Variants in IGF1R observed in about 807,000 individuals in gnomAD.
The protein encoded by IGF1R is insulin-like growth factor 1 receptor.
In IGF1R, 44 loss-of-function variants were observed where a neutral mutation model predicts 144.6. The ratio of observed to expected loss-of-function variants is 0.30; its 90% CI spans 0.24 to 0.39. IGF1R has a LOEUF of 0.39. IGF1R is among the 10% of genes least tolerant of loss of function. IGF1R has a pLI of 1.00. For missense variants in IGF1R, 1,355 were observed against 1,833.7 expected (o/e 0.74, Z 4.77); for synonymous variants, 795 against 722.8 (o/e 1.10, Z -1.60).
intron 17 of IGF1R, among the ~76,000 whole-genome samples, chr15:98,937,985 G>A (rs1356355484): frequency 1.3e-5 from 2 of 152,216 alleles, no homozygotes; most frequent in Admixed American, 6.5e-5. Flanking sequence ...CCAAGAGACA[G>A]CTTTGACAGC....
At chr15:98,832,762 G>C (rs2057024778) in intron 2 of IGF1R, among the ~76,000 whole-genome samples, 1 of 152,154 alleles carries the variant, frequency 6.6e-6, no homozygotes, top group South Asian at 2.1e-4. Flanking sequence ...TTCCAAAACT[G>C]TGTTTGCTTG....
At chr15:98,789,788 A>G (rs1010242901) in intron 2 of IGF1R, among the ~76,000 whole-genome samples, 3 of 152,106 alleles carry the variant, frequency 2.0e-5, no homozygotes, top group Admixed American at 1.3e-4. Flanking sequence ...GGGCCCTTTC[A>G]TGGCCTTGGG....
intron 1 of IGF1R, among the ~76,000 whole-genome samples, chr15:98,699,542 G>A (rs1433182435): frequency 1.3e-5 from 2 of 152,286 alleles, no homozygotes; most frequent in Admixed American, 1.3e-4. Flanking sequence ...CCGGGAAAAC[G>A]GTTGTTACAA....
intron 2 of IGF1R, among the ~76,000 whole-genome samples, chr15:98,790,648 C>T (rs1282235316): frequency 6.6e-6 from 1 of 152,026 alleles, no homozygotes; most frequent in Non-Finnish European, 1.5e-5. Context: ...CCTCGAGGGG[C>T]TATGTGGAAA....
intron 2 of IGF1R, among the ~76,000 whole-genome samples, chr15:98,875,586 G>C (rs1225981228): frequency 2.0e-5 from 3 of 151,976 alleles, no homozygotes; most frequent in African/African-American, 7.3e-5. Flanking sequence ...TTCAGACCAA[G>C]GATGGAATGA....
intron 2 of IGF1R, among the ~76,000 whole-genome samples, chr15:98,750,085 A>G (rs1366220030): frequency 1.3e-5 from 2 of 152,160 alleles, no homozygotes; most frequent in Non-Finnish European, 2.9e-5. Flanking sequence ...ATTCCAGTGA[A>G]AGTTCTTACC....
intron 1 of IGF1R, among the ~76,000 whole-genome samples, chr15:98,693,450 C>T (rs2053526088): frequency 6.6e-6 from 1 of 152,176 alleles, no homozygotes. Context: ...TCCTTCAGCC[C>T]TGCCTCCTGC....
chr15:98,862,178 A>G (rs1411102753), intron 2 of IGF1R, among the ~76,000 whole-genome samples: 1 of 152,266 alleles, frequency 6.6e-6, no homozygotes, highest in East Asian at 1.9e-4. Flanking sequence ...TGTTTTATGT[A>G]TAACATGCAG....
At chr15:98,676,057 C>T (rs969471086) in intron 1 of IGF1R, among the ~76,000 whole-genome samples, 4 of 150,166 alleles carry the variant, frequency 2.7e-5, no homozygotes, top group Admixed American at 6.6e-5. Context: ...GTTGAACTCC[C>T]GGCCTCAGGT....
At chr15:98,857,317 C>T (rs202204378) in intron 2 of IGF1R, among the ~76,000 whole-genome samples, 1 of 152,184 alleles carries the variant, frequency 6.6e-6, no homozygotes, top group Non-Finnish European at 1.5e-5. Flanking sequence ...CTCCCAGGTT[C>T]GAGCAATTCT....
At chr15:98,791,671 T>C (rs971567775) in intron 2 of IGF1R, among the ~76,000 whole-genome samples, 1 of 152,220 alleles carries the variant, frequency 6.6e-6, no homozygotes, top group African/African-American at 2.4e-5. Context: ...TTGGTGAAAA[T>C]ACTATGTGAT....
At chr15:98,853,894 C>T (rs1441955254) in intron 2 of IGF1R, among the ~76,000 whole-genome samples, 1 of 152,176 alleles carries the variant, frequency 6.6e-6, no homozygotes, top group Non-Finnish European at 1.5e-5. Flanking sequence ...GCCAGAGCAG[C>T]CTCCAGACCT....
chr15:98,707,140 T>C lies in IGF1R; in HGVS notation c.95-422T>C, dbSNP rs2053883764. On this transcript the variant is annotated intron_variant, in intron 1 of 20. Transcript: ENST00000650285. The surrounding 1 kb of genome is among the most constrained non-coding windows in gnomAD (Gnocchi z 6.7). ...TCAGGCAGGGTGCAGTAGTAAGTTA[T>C]TGATACTTGGCTGCTGAGCTGTCGT... Among the ~76,000 whole-genome samples the C allele has an allele frequency of 1.3e-5, 2 of 152,198 alleles. No individual in the cohort carries two copies. Among genetic ancestry groups the C allele is most frequent in the Non-Finnish European group, 2.9e-5 (2 of 68,038 alleles).
chr15:98,863,082 T>C lies in IGF1R; in HGVS notation c.641-28243T>C, dbSNP rs542809279. Reference sequence around the variant, plus strand: ...GTTCAGTTTTTCTAATTCTGGGACGTTTTCCTGGGTTTTCTTTAGTCATTC... The same window carrying C: ...GTTCAGTTTTTCTAATTCTGGGACGCTTTCCTGGGTTTTCTTTAGTCATTC... On this transcript the variant is annotated intron_variant, in intron 2 of 20. Transcript: ENST00000650285. Among the ~76,000 whole-genome samples the C allele has an allele frequency of 4.6e-5, 7 of 152,348 alleles. No individual in the cohort carries two copies. In the South Asian group the frequency reaches 1.2e-3, roughly 27 times the overall value.
At chr15:98,798,947 A>G (rs1202211747) in intron 2 of IGF1R, among the ~76,000 whole-genome samples, 3 of 152,140 alleles carry the variant, frequency 2.0e-5, no homozygotes, top group African/African-American at 7.2e-5. Flanking sequence ...AAATGAAGAA[A>G]CTGAGGCACA....
chr15:98,957,826 G>A lies in IGF1R; in HGVS notation c.*384G>A, dbSNP rs1031673659. 3.1e-6 allele frequency: 1 copy of A among 322,520 alleles called. No homozygotes were observed. The highest frequency in any genetic ancestry group is 4.6e-5 in the Admixed American group (1 of 21,970). 20.0% of individuals were successfully genotyped at this position (322,520 alleles called of 1,614,324 possible). On this transcript the variant is annotated 3_prime_UTR_variant, in exon 21 of 21. Coordinates refer to ENST00000650285, the MANE Select transcript of IGF1R (RefSeq NM_000875.5). ...TAATTGCCACAAGTCCAGCTGGGAA[G>A]CCCTTTTTATCAGTTTGAGGAAGTG...
At chr15:98,756,828 T>G (rs1386605227) in intron 2 of IGF1R, among the ~76,000 whole-genome samples, 1 of 152,232 alleles carries the variant, frequency 6.6e-6, no homozygotes, top group African/African-American at 2.4e-5. Context: ...TTCTAGATGG[T>G]TTGTAATTAA....
intron 2 of IGF1R, among the ~76,000 whole-genome samples, chr15:98,758,741 TC>T (rs1486509411): frequency 1.3e-5 from 2 of 152,222 alleles, no homozygotes; most frequent in Non-Finnish European, 2.9e-5. Flanking sequence ...AGGCCCTCAC[TC>T]TCATCCCATG....
intron 2 of IGF1R, among the ~76,000 whole-genome samples, chr15:98,759,581 G>C (rs908407424): frequency 4.6e-5 from 7 of 152,222 alleles, no homozygotes; most frequent in Non-Finnish European, 7.3e-5. Context: ...GCCAGCACAA[G>C]TAAGGACCTG....
Sources: allele counts gnomAD v4.1 joint callset (sites outside exome capture counted in the v4.1 genomes callset), GRCh38; gene constraint gnomAD v4.1.1; non-coding constraint Gnocchi (gnomAD v3.1); transcripts MANE v1.5; gene names NCBI Gene and HGNC (gene_info 2026-07-23, HGNC 2026-07-21).